Variants in LTK observed in about 807,000 individuals in gnomAD.
LTK encodes the protein leukocyte receptor tyrosine kinase, also known as leukocyte tyrosine kinase receptor.
A neutral mutation model predicts 101.5 loss-of-function variants in LTK; 117 were observed. The ratio of observed to expected loss-of-function variants is 1.15; its 90% CI spans 0.99 to 1.34. The LOEUF (loss-of-function observed/expected upper bound fraction) is 1.34, where lower values mean the gene tolerates loss of function less well. Among genes scored for constraint, LTK ranks in the 40% most tolerant of loss-of-function variants. LTK has a pLI of 0.00. For synonymous variants in LTK, 563 were observed against 494.2 expected (o/e 1.14, Z -1.85); for missense variants, 1,252 against 1,164.7 (o/e 1.07, Z -1.09).
intron 1 of LTK, 114 bp downstream of exon 1, chr15:41,513,553 G>T: frequency 1.0e-6 from 1 of 968,008 alleles, no homozygotes; most frequent in Non-Finnish European, 1.7e-6. Context: ...ATTTGGCTGT[G>T]AGAGTTCGAG....
rs1267027802 is a variant in LTK at position 41,507,362 on chromosome 15, A to AC, written c.1346-73dup. ...TCTCCCTCCCCCACCTGCCCAGGAC[A>AC]CCCCTCCAGATGCTCATTAAGGTAA... On this transcript the variant is annotated intron_variant, in intron 10 of 19. Transcript: ENST00000263800. The AC allele has an allele frequency of 5.4e-6, 8 of 1,471,114 alleles. No individual in the cohort carries two copies. The African/African-American group carries it at 9.8e-5, about 18-fold the overall frequency. 91.1% of individuals were successfully genotyped at this position (1,471,114 alleles called of 1,614,324 possible). A position where few individuals can be genotyped will look rare whatever the true frequency, so the allele number is the denominator to read the frequency against.
chr15:41,509,281 G>A (rs1165367716), intron 7 of LTK, 152 bp from the exon 8 acceptor site: 1 of 678,050 alleles, frequency 1.5e-6, no homozygotes, highest in Non-Finnish European at 2.7e-6. Context: ...AAGGAGGTGA[G>A]GAGGGGGTAA....
chr15:41,513,771 A>G lies in LTK; in HGVS notation c.-62T>C. ...GTCGCGGCCACACCCCTGTCAACCT[A>G]AAGTTGACAGCTCATTTTGCCACGG... On this transcript the variant is annotated 5_prime_UTR_variant, in exon 1 of 20. An upstream open reading frame in the 5' UTR loses its in-frame stop. Coordinates refer to ENST00000263800, the MANE Select transcript of LTK (RefSeq NM_002344.6). The G allele has an allele frequency of 2.1e-6, 3 of 1,433,794 alleles. No individual in the cohort carries two copies. The highest frequency in any genetic ancestry group is 1.1e-5 in the South Asian group (1 of 87,642). The allele number at this position is 1,433,794 out of a possible 1,614,324, so 88.8% of individuals were successfully genotyped here.
chr15:41,507,000 A>C (rs2051306359), intron 11 of LTK, 95 bp downstream of exon 11: 1 of 1,311,966 alleles, frequency 7.6e-7, no homozygotes, highest in Non-Finnish European at 1.1e-6. Context: ...TGTGGGCCAG[A>C]TTTTTTCTGG....
chr15:41,509,663 A>G (rs1036417334), intron 7 of LTK, among the ~76,000 whole-genome samples: 4 of 152,162 alleles, frequency 2.6e-5, no homozygotes, highest in African/African-American at 9.7e-5. Flanking sequence ...GTCCGAGACT[A>G]GCCTGACCAA....
Position 41,507,585 on chromosome 15 carries a change from A to G in LTK, c.1322T>C (p.Met441Thr). The change falls in exon 10 of 20, where the codon ATG becomes ACG. Residue 441 changes from methionine to threonine, a missense_variant. Physicochemically the swap from Met to Thr is moderately conservative, Grantham distance 81. Coordinates refer to ENST00000263800, the MANE Select transcript of LTK (RefSeq NM_002344.6). ...VVATSTLSLLMVCGVLILVKQ... is the reference protein window; with the variant it reads ...VVATSTLSLLTVCGVLILVKQ... ...ACCCAGAATCAGGACCCCACACACC[A>G]TAAGGAGGCTCAGTGTTGAGGTTGC... 6.2e-7 allele frequency: 1 copy of G among 1,614,006 alleles called. No individual in the cohort carries two copies. Among genetic ancestry groups the G allele is most frequent in the Non-Finnish European group, 8.5e-7 (1 of 1,179,982 alleles).
intron 11 of LTK, 83 bp downstream of exon 11, chr15:41,507,012 A>G: frequency 7.2e-7 from 1 of 1,380,142 alleles, no homozygotes; most frequent in East Asian, 2.3e-5. Context: ...TTTTTCTGGG[A>G]CTTATAATTC....
At position 41,504,654 on chromosome 15, in the gene LTK, G is replaced by T. The variant is rs753740068; in HGVS notation, c.2121-14C>A. 1.2e-6 allele frequency: 2 copies of T among 1,611,594 alleles called. No individual in the cohort carries two copies. The highest frequency in any genetic ancestry group is 2.2e-5 in the East Asian group (1 of 44,860). Reference sequence around the variant, plus strand: ...ACCCCAAAAGACCTGCATCACAAGTGGGGGAACCAAGTGAGGCCCGTCAGG... The same window carrying T: ...ACCCCAAAAGACCTGCATCACAAGTTGGGGAACCAAGTGAGGCCCGTCAGG... On this transcript the variant is annotated splice_polypyrimidine_tract_variant and intron_variant, in intron 17 of 19. Transcript: ENST00000263800.
chr15:41,506,373 C>T (rs1393851226), intron 11 of LTK, among the ~76,000 whole-genome samples: 3 of 152,196 alleles, frequency 2.0e-5, no homozygotes, highest in East Asian at 1.9e-4. Flanking sequence ...AGCGCGATCT[C>T]GGCTCACTGC....
chr15:41,512,120 G>A lies in LTK; in HGVS notation c.505C>T (p.Pro169Ser), dbSNP rs770070963. The A allele has an allele frequency of 1.2e-5, 19 of 1,607,970 alleles. No homozygotes were observed. In the Admixed American group the frequency reaches 1.3e-4, roughly 11 times the overall value. ...LVGQQGEDACPGGSPESQLVC... is the reference protein window; with the variant it reads ...LVGQQGEDACSGGSPESQLVC... ...TCCCCACTGGCTGCGCTCACTCCGG[G>A]ACAGGCGTCCTCTCCCTGCTGCCCC... is the stretch of plus-strand genomic sequence containing the variant. The change falls in exon 4 of 20, where the codon CCC becomes TCC. Residue 169 changes from proline (P) to serine (S), a missense_variant. By Grantham distance (74) the Pro-to-Ser change is moderately conservative. Coordinates refer to ENST00000263800, the MANE Select transcript of LTK (RefSeq NM_002344.6).
chr15:41,505,338 A>G, intron 14 of LTK, 33 bp from the exon 15 acceptor site: 2 of 1,611,846 alleles, frequency 1.2e-6, no homozygotes, highest in East Asian at 2.2e-5. Context: ...CAGTCCATGT[A>G]GGTCTCAGAC....
chr15:41,505,327 T>C (rs2051234620), intron 14 of LTK, 22 bp from the exon 15 acceptor site: 1 of 1,613,402 alleles, frequency 6.2e-7, no homozygotes, highest in Non-Finnish European at 8.5e-7. Flanking sequence ...AGAGGGGGCA[T>C]CAGTCCATGT....
Position 41,507,593 on chromosome 15 carries a change from G to C in LTK, c.1314C>G (p.Ser438Arg). The change falls in exon 10 of 20, where the codon AGC becomes AGG. Residue 438 changes from serine (S) to arginine (R), a missense_variant. Ser to Arg is a moderately radical substitution (Grantham distance 110). Transcript: ENST00000263800. Reference protein sequence around the residue: ...MVAVVATSTLSLLMVCGVLIL... With the variant: ...MVAVVATSTLRLLMVCGVLIL... Reference sequence around the variant, plus strand: ...TCAGGACCCCACACACCATAAGGAGGCTCAGTGTTGAGGTTGCCACCACAG... The same window carrying C: ...TCAGGACCCCACACACCATAAGGAGCCTCAGTGTTGAGGTTGCCACCACAG... 6.2e-7 allele frequency: 1 copy of C among 1,613,978 alleles called. No homozygotes were observed. The highest frequency in any genetic ancestry group is 8.5e-7 in the Non-Finnish European group (1 of 1,179,990).
In LTK at chr15:41,505,260, G is replaced by A; in HGVS notation, c.1873C>T (p.Gln625Ter). 1 of 1,614,070 alleles carries A rather than the reference G, an allele frequency of 6.2e-7. No homozygotes were observed. The highest frequency in any genetic ancestry group is 8.5e-7 in the Non-Finnish European group (1 of 1,180,018). Residue 625 changes from glutamine to a stop codon, truncating the protein, a stop_gained, in exon 15 of 20, where the codon CAG (glutamine) becomes TAG (stop). Transcript: ENST00000263800. LOFTEE classifies it high-confidence loss of function. ...LVMRDLLQLA[Q>*]DIAQGCHYLE... is the part of the protein sequence containing the mutation. ...TAGTGGCAGCCCTGGGCTATGTCCTGGGCCAGTTGCAGCAGGTCCCGCATG... is the reference window on the plus strand; with the variant it reads ...TAGTGGCAGCCCTGGGCTATGTCCTAGGCCAGTTGCAGCAGGTCCCGCATG...
chr15:41,507,455 C>T, intron 10 of LTK, 107 bp downstream of exon 10: 1 of 1,553,116 alleles, frequency 6.4e-7, no homozygotes, highest in Non-Finnish European at 8.7e-7. Context: ...CACGGCTCTG[C>T]TGCGGTGAGT....
intron 15 of LTK, 23 bp downstream of exon 15, chr15:41,505,185 C>A (rs369335601): frequency 6.2e-7 from 1 of 1,609,624 alleles, no homozygotes; most frequent in South Asian, 1.1e-5. Flanking sequence ...ATGGGGGTCC[C>A]CTGAGCCAGG....
chr15:41,511,930 C>T lies in LTK; in HGVS notation c.544G>A (p.Glu182Lys). Residue 182 changes from glutamate (E) to lysine (K), a missense_variant, in exon 5 of 20, where the codon GAG becomes AAG. Physicochemically the swap from Glu to Lys is moderately conservative, Grantham distance 56 (BLOSUM62 1). Transcript: ENST00000263800. This position sits in a 1 kb window ranked among gnomAD's most constrained non-coding sequence, Gnocchi z 5.9. ...GCGTGCTCTTCAACGGCTCGAGACT[C>T]CCCGAGGCAGACGAGCTGGCTCTCC... ...SPESQLVCLG[E>K]SRAVEEHAAM... is the part of the protein sequence containing the mutation. The T allele has an allele frequency of 6.7e-7, 1 of 1,501,878 alleles. No homozygotes were observed. The highest frequency in any genetic ancestry group is 1.3e-5 in the South Asian group (1 of 76,718). The allele number at this position is 1,501,878 out of a possible 1,614,324, so 93.0% of individuals were successfully genotyped here.
intron 7 of LTK, among the ~76,000 whole-genome samples, chr15:41,509,639 T>A (rs1378010177): frequency 1.3e-5 from 2 of 152,060 alleles, no homozygotes; most frequent in Non-Finnish European, 2.9e-5. Flanking sequence ...CATGGGCGGA[T>A]TACGAGGTCA....
intron 3 of LTK, 77 bp from the exon 4 acceptor site, chr15:41,512,342 A>G: frequency 7.5e-7 from 1 of 1,336,796 alleles, no homozygotes; most frequent in Non-Finnish European, 1.0e-6. Context: ...GCGACAGAGG[A>G]GGCTCCAGAA....
Sources: allele counts gnomAD v4.1 joint callset (sites outside exome capture counted in the v4.1 genomes callset), GRCh38; gene constraint gnomAD v4.1.1; non-coding constraint Gnocchi (gnomAD v3.1); transcripts MANE v1.5; gene names NCBI Gene and HGNC (gene_info 2026-07-23, HGNC 2026-07-21).